The following LSAMP variants were observed in gnomAD, a reference collection of about 807,000 sequenced individuals.
The protein encoded by LSAMP is limbic system-associated membrane protein.
In LSAMP, 7 loss-of-function variants were observed where a neutral mutation model predicts 38.6. The ratio of observed to expected loss-of-function variants is 0.18; its 90% CI spans 0.10 to 0.34. The LOEUF (loss-of-function observed/expected upper bound fraction) is 0.34. Ranked by LOEUF, LSAMP falls within the 10% of genes least tolerant of loss-of-function variation. LSAMP has a pLI of 1.00. For missense variants in LSAMP, 313 were observed against 420.0 expected, an observed-to-expected ratio of 0.75 and a Z score of 2.23; for synonymous variants, 154 against 166.8, an observed-to-expected ratio of 0.92 and a Z score of 0.59.
intron 1 of LSAMP, among the ~76,000 whole-genome samples, chr3:116,369,517 G>A (rs994109436): frequency 1.3e-5 from 2 of 152,124 alleles, no homozygotes; most frequent in Non-Finnish European, 1.5e-5. Context: ...TGGGCTTGCC[G>A]TCTAGCCACT....
chr3:116,280,748 A>G (rs1576479609), intron 1 of LSAMP, among the ~76,000 whole-genome samples: 1 of 152,128 alleles, frequency 6.6e-6, no homozygotes, highest in South Asian at 2.1e-4. Context: ...GTCGTGGTTC[A>G]CTCTATCATG....
At chr3:115,995,426 C>T (rs1576292071) in intron 3 of LSAMP, among the ~76,000 whole-genome samples, 1 of 152,076 alleles carries the variant, frequency 6.6e-6, no homozygotes, top group Admixed American at 6.6e-5. Context: ...CTGATAGAAG[C>T]CACTCAGGGA....
intron 6 of LSAMP, among the ~76,000 whole-genome samples, chr3:115,840,358 C>T (rs376024703): frequency 3.3e-5 from 5 of 152,210 alleles, no homozygotes; most frequent in South Asian, 2.1e-4. Flanking sequence ...CGCACCCCCC[C>T]TCTCCCGCTG....
At chr3:116,107,823 A>G (rs1463804213) in intron 1 of LSAMP, among the ~76,000 whole-genome samples, 2 of 152,078 alleles carry the variant, frequency 1.3e-5, no homozygotes, top group East Asian at 1.9e-4. Context: ...AGAATAATGG[A>G]TTGTGGAGGG....
At chr3:116,427,079 T>C (rs578179661) in intron 1 of LSAMP, among the ~76,000 whole-genome samples, 1 of 151,534 alleles carries the variant, frequency 6.6e-6, no homozygotes, top group African/African-American at 2.4e-5. Context: ...TCAAGTGTCA[T>C]TGCAACCCTT....
At chr3:116,284,524 A>G (rs2047168940) in intron 1 of LSAMP, among the ~76,000 whole-genome samples, 1 of 152,222 alleles carries the variant, frequency 6.6e-6, no homozygotes, top group Non-Finnish European at 1.5e-5. Flanking sequence ...AGGCTACTAT[A>G]TCATAGAAGC....
intron 1 of LSAMP, among the ~76,000 whole-genome samples, chr3:116,157,475 A>G (rs1709780454): frequency 6.6e-6 from 1 of 152,130 alleles, no homozygotes; most frequent in Non-Finnish European, 1.5e-5. Flanking sequence ...GTTCATCCAA[A>G]TCATGTGGTA....
chr3:115,979,960 C>A (rs1335697525), intron 3 of LSAMP, among the ~76,000 whole-genome samples: 1 of 152,042 alleles, frequency 6.6e-6, no homozygotes, highest in Non-Finnish European at 1.5e-5. Flanking sequence ...TAGCATAGTT[C>A]TTTACATAGT....
At chr3:116,205,934 G>C (rs1186759985) in intron 1 of LSAMP, among the ~76,000 whole-genome samples, 1 of 146,290 alleles carries the variant, frequency 6.8e-6, no homozygotes, top group Non-Finnish European at 1.5e-5. Flanking sequence ...AGTTAGGGAG[G>C]ATTCCCTCTT....
intron 3 of LSAMP, among the ~76,000 whole-genome samples, chr3:115,947,182 A>C (rs1187506883): frequency 6.6e-6 from 1 of 152,186 alleles, no homozygotes; most frequent in Non-Finnish European, 1.5e-5. Context: ...AAACATCTAC[A>C]GTAAATATTA....
intron 6 of LSAMP, among the ~76,000 whole-genome samples, chr3:115,813,891 T>C (rs1933923102): frequency 6.6e-6 from 1 of 152,224 alleles, no homozygotes; most frequent in Admixed American, 6.5e-5. Context: ...AGTGCTTTCA[T>C]ATACTGACAG....
At chr3:116,174,459 G>A (rs1365388403) in intron 1 of LSAMP, among the ~76,000 whole-genome samples, 3 of 151,876 alleles carry the variant, frequency 2.0e-5, no homozygotes, top group African/African-American at 7.3e-5. Context: ...AATCATAATA[G>A]CTATGTCTTT....
chr3:116,108,120 T>C (rs1401892996), intron 1 of LSAMP, among the ~76,000 whole-genome samples: 1 of 152,032 alleles, frequency 6.6e-6, no homozygotes, highest in Non-Finnish European at 1.5e-5. Flanking sequence ...GGGTGCATGA[T>C]CGGTCGCCAA....
intron 1 of LSAMP, among the ~76,000 whole-genome samples, chr3:116,191,071 A>C (rs576103065): frequency 6.6e-6 from 1 of 152,282 alleles, no homozygotes; most frequent in African/African-American, 2.4e-5. Context: ...AAAGTACAAA[A>C]AATTAGCCCG....
rs7637911 is a variant in LSAMP, at chr3:116,236,975, C to T, written c.156-150419G>A. 0.017 allele frequency among the ~76,000 whole-genome samples: 259 copies of T among 15,562 alleles called. 1 individual carries two copies. The South Asian group carries it at 0.19, about 11-fold the overall frequency. The allele number at this position is 15,562 out of a possible 152,430, so 10.2% of individuals were successfully genotyped here. A position where few individuals can be genotyped will look rare whatever the true frequency, so the allele number is the denominator to read the frequency against. On this transcript the variant is annotated intron_variant, in intron 1 of 6. Coordinates refer to ENST00000490035, the MANE Select transcript of LSAMP (RefSeq NM_002338.5). Reference sequence around the variant, plus strand: ...CCATATATATATATGCATATATATACATATATACACATACATAGGTATATT... The same window carrying T: ...CCATATATATATATGCATATATATATATATATACACATACATAGGTATATT...
At chr3:116,239,198 G>A (rs1052155697) in intron 1 of LSAMP, among the ~76,000 whole-genome samples, 1 of 152,122 alleles carries the variant, frequency 6.6e-6, no homozygotes, top group Non-Finnish European at 1.5e-5. Flanking sequence ...AGTCTCACAT[G>A]AGTAGAGTAA....
intron 1 of LSAMP, among the ~76,000 whole-genome samples, chr3:116,132,999 T>C (rs1439811831): frequency 6.6e-6 from 1 of 152,218 alleles, no homozygotes; most frequent in East Asian, 1.9e-4. Context: ...TGGTTATAAA[T>C]GGTGCCTCAG....
intron 1 of LSAMP, among the ~76,000 whole-genome samples, chr3:116,331,697 A>G (rs2047855994): frequency 6.6e-6 from 1 of 152,222 alleles, no homozygotes; most frequent in Non-Finnish European, 1.5e-5. Flanking sequence ...AAAGGACACC[A>G]GATAGTAACC....
chr3:115,985,073 T>G (rs1221225323), intron 3 of LSAMP, among the ~76,000 whole-genome samples: 1 of 152,202 alleles, frequency 6.6e-6, no homozygotes, highest in Non-Finnish European at 1.5e-5. Flanking sequence ...GCCAAAAGGC[T>G]TTTATTTAGA....
Sources: gnomAD v4.1 joint callset for allele counts (sites outside exome capture counted in the v4.1 genomes callset) on GRCh38, gnomAD v4.1.1 for gene constraint, MANE v1.5 for transcripts, NCBI Gene and HGNC (gene_info 2026-07-23, HGNC 2026-07-21) for gene names.